The following TMPRSS4 variants were observed in gnomAD, a reference collection of about 807,000 sequenced individuals.
The protein encoded by TMPRSS4 is transmembrane serine protease 4.
A neutral mutation model predicts 56.4 loss-of-function variants in TMPRSS4; 45 were observed. The observed-to-expected ratio is 0.80, with a 90% CI of 0.63 to 1.02. The LOEUF (loss-of-function observed/expected upper bound fraction) is 1.02, where lower values mean the gene tolerates loss of function less well. Among genes scored for constraint, TMPRSS4 ranks in the 50% least tolerant of loss-of-function variants. The pLI is 0.00. For missense variants in TMPRSS4, 546 were observed against 556.7 expected (o/e 0.98, Z 0.19); for synonymous variants, 205 against 211.0 (o/e 0.97, Z 0.25).
intron 1 of TMPRSS4, among the ~76,000 whole-genome samples, chr11:118,078,838 C>T (rs979436444): frequency 1.3e-5 from 2 of 152,110 alleles, no homozygotes; most frequent in Admixed American, 6.5e-5. Flanking sequence ...CCCCTGCCCA[C>T]GGAAACGATA....
chr11:118,081,861 G>T (rs1808250687), intron 1 of TMPRSS4, among the ~76,000 whole-genome samples: 1 of 152,212 alleles, frequency 6.6e-6, no homozygotes, highest in African/African-American at 2.4e-5. Flanking sequence ...TAGGCCTTCA[G>T]TTTTGTGCAC....
rs61663399 is a variant in TMPRSS4 at position 118,113,300 on chromosome 11, C to A, written c.775C>A (p.Arg259=). The A allele has an allele frequency of 6.2e-7, 1 of 1,614,006 alleles. No individual in the cohort carries two copies. The highest frequency in any genetic ancestry group is 8.5e-7 in the Non-Finnish European group (1 of 1,179,960). The change falls in exon 9 of 13, where the codon CGG becomes AGG. Residue 259 remains arginine, a synonymous_variant. Transcript: ENST00000437212. ...TACCGATGTGTTCAACTGGAAGGTGCGGGCAGGCTCAGACAAACTGGGCAG... is the reference window on the plus strand; with the variant it reads ...TACCGATGTGTTCAACTGGAAGGTGAGGGCAGGCTCAGACAAACTGGGCAG... The part of the protein sequence containing the change: ...KHTDVFNWKV[R]AGSDKLGSFP...
chr11:118,101,001 C>T (rs896140509), intron 3 of TMPRSS4, among the ~76,000 whole-genome samples: 4 of 152,146 alleles, frequency 2.6e-5, no homozygotes, highest in African/African-American at 9.7e-5. Flanking sequence ...GTGACTCTGC[C>T]TTACCCTGGC....
At position 118,119,569 on chromosome 11, in the gene TMPRSS4, T is replaced by C. The variant is rs1417278447; in HGVS notation, c.*1656T>C. ...GCAATATTTGCAGAGTATTTGTATGTGCCAGACACTATTGTAAGTGCTTCA... is the reference window on the plus strand; with the variant it reads ...GCAATATTTGCAGAGTATTTGTATGCGCCAGACACTATTGTAAGTGCTTCA... On this transcript the variant is annotated 3_prime_UTR_variant, in exon 13 of 13. Transcript: ENST00000437212. The C allele has an allele frequency of 3.8e-5, 6 of 157,656 alleles. No homozygotes were observed. The allele number at this position is 157,656 out of a possible 1,614,324, so 9.8% of individuals were successfully genotyped here. A position where few individuals can be genotyped will look rare whatever the true frequency, so the allele number is the denominator to read the frequency against.
intron 1 of TMPRSS4, among the ~76,000 whole-genome samples, chr11:118,091,966 G>A (rs185981122): frequency 1.1e-4 from 16 of 152,282 alleles, no homozygotes; most frequent in African/African-American, 2.9e-4. Context: ...GTTCAGTCCA[G>A]TTCACAGTCA....
At chr11:118,111,718 T>A (rs1591403400) in intron 7 of TMPRSS4, 23 bp from the exon 8 acceptor site, 1 of 1,539,956 alleles carries the variant, frequency 6.5e-7, no homozygotes, top group Non-Finnish European at 8.7e-7. Flanking sequence ...TCCTGCCTCC[T>A]CCCTGCCTCT....
chr11:118,104,588 AGTTCTAGGTTG>A, intron 4 of TMPRSS4, 92 bp from the exon 5 acceptor site: 1 of 1,557,474 alleles, frequency 6.4e-7, no homozygotes, highest in Middle Eastern at 1.7e-4. Flanking sequence ...TGGCACCCCC[AGTTCTAGGTTG>A]GGGGAGCTTG....
intron 5 of TMPRSS4, chr11:118,106,488 CTTT>C (rs113285420): frequency 3.6e-5 from 5 of 139,534 alleles, no homozygotes; most frequent in African/African-American, 5.3e-5. Flanking sequence ...GTCCACGCAT[CTTT>C]TTTTTTTTTT....
In TMPRSS4 at chr11:118,101,020, A is replaced by T. The variant is rs572889793; in HGVS notation, c.157+1922A>T. 7.2e-5 allele frequency among the ~76,000 whole-genome samples: 11 copies of T among 152,240 alleles called. No individual in the cohort carries two copies. In the South Asian group the frequency reaches 2.3e-3, roughly 32 times the overall value. ...CTCTGCCTTACCCTGGCTCCTGATT[A>T]TAAACCAAACTCCAAAGAGCTAAGT... is the stretch of plus-strand genomic sequence containing the variant. On this transcript the variant is annotated intron_variant, in intron 3 of 12. Coordinates refer to ENST00000437212, the MANE Select transcript of TMPRSS4 (RefSeq NM_019894.4).
intron 1 of TMPRSS4, among the ~76,000 whole-genome samples, chr11:118,094,190 G>A (rs1565419259): frequency 6.6e-6 from 1 of 152,142 alleles, no homozygotes. Flanking sequence ...TAAAATACTT[G>A]TACGTTTAGC....
intron 1 of TMPRSS4, among the ~76,000 whole-genome samples, chr11:118,089,640 G>A (rs1591358153): frequency 6.6e-6 from 1 of 152,116 alleles, no homozygotes; most frequent in African/African-American, 2.4e-5. Flanking sequence ...CTCCTGAGGT[G>A]GGTAGAGCAA....
intron 5 of TMPRSS4, 148 bp downstream of exon 5, chr11:118,104,968 G>A: frequency 1.1e-6 from 1 of 904,100 alleles, no homozygotes; most frequent in Non-Finnish European, 1.6e-6. Flanking sequence ...TCACTTATAA[G>A]CAACATGAAG....
intron 1 of TMPRSS4, among the ~76,000 whole-genome samples, chr11:118,094,142 G>C (rs573424378): frequency 6.6e-6 from 1 of 152,132 alleles, no homozygotes; most frequent in Non-Finnish European, 1.5e-5. Flanking sequence ...ATTTCTCTTG[G>C]CTCTATCCTG....
At chr11:118,083,353 C>T (rs1172533400) in intron 1 of TMPRSS4, among the ~76,000 whole-genome samples, 1 of 152,204 alleles carries the variant, frequency 6.6e-6, no homozygotes, top group South Asian at 2.1e-4. Flanking sequence ...CCCTCTCTTC[C>T]GAGAGAGTTC....
chr11:118,104,876 C>G, intron 5 of TMPRSS4, 56 bp downstream of exon 5: 1 of 1,483,918 alleles, frequency 6.7e-7, no homozygotes, highest in Non-Finnish European at 9.0e-7. Flanking sequence ...TCCTCTTCCT[C>G]CTTTCCTTCC....
chr11:118,087,588 G>C (rs938999703), intron 1 of TMPRSS4: 3 of 152,228 alleles, frequency 2.0e-5, no homozygotes, highest in Non-Finnish European at 4.4e-5. Flanking sequence ...TCTCCAGGCT[G>C]GTGGCTTCTC....
Position 118,077,093 on chromosome 11 carries a change from A to G in TMPRSS4, c.-210A>G. ...TCCCCCAATCACTCCTGGAATACAC[A>G]GAGAGAGGCAGCAGCTTGCTCAGCG... is the stretch of plus-strand genomic sequence containing the variant. On this transcript the variant is annotated 5_prime_UTR_variant, in exon 1 of 13. Transcript: ENST00000437212. 1.8e-6 allele frequency: 1 copy of G among 550,214 alleles called. No individual in the cohort carries two copies. Among genetic ancestry groups the G allele is most frequent in the Non-Finnish European group, 3.2e-6 (1 of 310,694 alleles). 34.1% of individuals were successfully genotyped at this position (550,214 alleles called of 1,614,324 possible).
chr11:118,103,759 A>C (rs1555087374), intron 4 of TMPRSS4, among the ~76,000 whole-genome samples: 1 of 152,216 alleles, frequency 6.6e-6, no homozygotes, highest in Non-Finnish European at 1.5e-5. Flanking sequence ...AACAGTAACT[A>C]TTTGATGACC....
At chr11:118,109,587 A>C (rs1947174006) in intron 7 of TMPRSS4, among the ~76,000 whole-genome samples, 1 of 152,184 alleles carries the variant, frequency 6.6e-6, no homozygotes, top group South Asian at 2.1e-4. Context: ...GAAGTTGTTT[A>C]GTCCAACTGC....
Sources: gnomAD v4.1 joint callset for allele counts (sites outside exome capture counted in the v4.1 genomes callset) on GRCh38, gnomAD v4.1.1 for gene constraint, MANE v1.5 for transcripts, NCBI Gene and HGNC (gene_info 2026-07-23, HGNC 2026-07-21) for gene names.